Variants in SLC10A7 observed in about 807,000 individuals in gnomAD.
The protein encoded by SLC10A7 is sodium/bile acid cotransporter 7.
SLC10A7 carries 29 observed loss-of-function variants against 43.2 expected under a neutral mutation model. The observed-to-expected ratio is 0.67, with a 90% confidence interval of 0.50 to 0.92. The LOEUF is 0.92. Ranked by LOEUF, SLC10A7 falls within the 40% of genes least tolerant of loss-of-function variation. The pLI, the probability that SLC10A7 is intolerant of heterozygous loss-of-function variation, is 0.00. For missense variants in SLC10A7, 295 were observed against 403.2 expected (o/e 0.73, Z 2.30); for synonymous variants, 152 against 144.8 (o/e 1.05, Z -0.35).
chr4:146,466,936 C>T (rs1476688513), intron 4 of SLC10A7, among the ~76,000 whole-genome samples: 1 of 152,108 alleles, frequency 6.6e-6, no homozygotes, highest in Non-Finnish European at 1.5e-5. Context: ...TTAAGATTAA[C>T]TATAATCCTG....
chr4:146,349,463 A>C (rs184774969), intron 5 of SLC10A7, among the ~76,000 whole-genome samples: 8 of 152,300 alleles, frequency 5.3e-5, no homozygotes, highest in Non-Finnish European at 1.2e-4. Context: ...CTTCTCAGAG[A>C]ACTTAAAGCA....
At chr4:146,316,208 C>A (rs981618771) in intron 6 of SLC10A7, among the ~76,000 whole-genome samples, 1 of 152,012 alleles carries the variant, frequency 6.6e-6, no homozygotes, top group Non-Finnish European at 1.5e-5. Flanking sequence ...TAAAGAAGAA[C>A]AAGAATTTCT....
At chr4:146,365,676 C>G (rs1410702488) in intron 5 of SLC10A7, among the ~76,000 whole-genome samples, 3 of 152,132 alleles carry the variant, frequency 2.0e-5, no homozygotes, top group Non-Finnish European at 4.4e-5. Context: ...TTTACTGTTC[C>G]TCAATATTTA....
At chr4:146,388,529 C>G (rs1363324110) in intron 5 of SLC10A7, among the ~76,000 whole-genome samples, 1 of 151,998 alleles carries the variant, frequency 6.6e-6, no homozygotes, top group African/African-American at 2.4e-5. Flanking sequence ...GAGGCTGAGG[C>G]GGGTGGATCA....
At chr4:146,508,982 G>C (rs983625607) in intron 3 of SLC10A7, among the ~76,000 whole-genome samples, 1 of 152,024 alleles carries the variant, frequency 6.6e-6, no homozygotes, top group Non-Finnish European at 1.5e-5. Context: ...CTGCTTTACT[G>C]ACTGGAAAAC....
At chr4:146,420,445 A>G (rs1728884271) in intron 5 of SLC10A7, among the ~76,000 whole-genome samples, 1 of 152,162 alleles carries the variant, frequency 6.6e-6, no homozygotes, top group Admixed American at 6.5e-5. Flanking sequence ...CCACCATTAT[A>G]GTGATGCTTA....
intron 5 of SLC10A7, among the ~76,000 whole-genome samples, chr4:146,403,270 G>A (rs903574098): frequency 1.3e-5 from 2 of 152,044 alleles, no homozygotes; most frequent in African/African-American, 4.8e-5. Context: ...TGGAACTCTT[G>A]TCTGGAACTA....
At chr4:146,381,125 G>C (rs1002383033) in intron 5 of SLC10A7, among the ~76,000 whole-genome samples, 35 of 152,234 alleles carry the variant, frequency 2.3e-4, no homozygotes, top group African/African-American at 8.2e-4. Context: ...ACTAGTGCCA[G>C]GGCCTCAGAA....
intron 5 of SLC10A7, among the ~76,000 whole-genome samples, chr4:146,390,139 T>A (rs1261358275): frequency 6.6e-6 from 1 of 152,212 alleles, no homozygotes; most frequent in Admixed American, 6.5e-5. Context: ...ATATTTTATA[T>A]CTTACACAGA....
chr4:146,342,571 A>G (rs146776156), intron 5 of SLC10A7, among the ~76,000 whole-genome samples: 2 of 151,798 alleles, frequency 1.3e-5, no homozygotes, highest in East Asian at 3.9e-4. Context: ...TTTACCAGTA[A>G]ATTTTAATAA....
chr4:146,509,929 C>T lies in SLC10A7; in HGVS notation c.304G>A (p.Glu102Lys), dbSNP rs759868895. 1.2e-5 allele frequency: 20 copies of T among 1,612,372 alleles called. No homozygotes were observed. Among genetic ancestry groups the T allele is most frequent in the South Asian group, 4.4e-5 (4 of 90,684 alleles). The change falls in exon 3 of 12, where the codon GAA becomes AAA. Residue 102 changes from glutamate (E) to lysine (K), a missense_variant. Around this residue, in one of 2 missense-constraint regions of SLC10A7, gnomAD observed 242 missense variants for 362.5 expected, o/e 0.67. Transcript: ENST00000335472. ...TAAACATACCCTTTTAAAAGCCATT[C>T]GTTGATGGGTGTGATTGATAAAAGC... ...LQLLSITPIN[E>K]WLLKGLQTVG...
intron 5 of SLC10A7, among the ~76,000 whole-genome samples, chr4:146,354,035 C>A (rs1350694357): frequency 6.8e-6 from 1 of 146,314 alleles, no homozygotes; most frequent in Non-Finnish European, 1.5e-5. Flanking sequence ...AAGTTCTGGC[C>A]AGGGCAATCA....
chr4:146,308,416 CAG>C (rs921942360), intron 6 of SLC10A7, among the ~76,000 whole-genome samples: 35 of 152,202 alleles, frequency 2.3e-4, no homozygotes, highest in African/African-American at 7.7e-4. Context: ...ATCCAGAAGA[CAG>C]AACAGCAAGC....
intron 5 of SLC10A7, among the ~76,000 whole-genome samples, chr4:146,335,142 TTTTTG>T (rs535672037): frequency 1.6e-4 from 24 of 151,406 alleles, no homozygotes; most frequent in African/African-American, 2.4e-4. Context: ...TAGTTGAAGG[TTTTTG>T]TTTTGTTTTG....
intron 5 of SLC10A7, among the ~76,000 whole-genome samples, chr4:146,426,621 A>G (rs1729373050): frequency 6.6e-6 from 1 of 152,266 alleles, no homozygotes; most frequent in Admixed American, 6.5e-5. Flanking sequence ...CACACCTGCA[A>G]TCCCAGCACT....
At chr4:146,418,713 G>C (rs1560889499) in intron 5 of SLC10A7, among the ~76,000 whole-genome samples, 1 of 152,112 alleles carries the variant, frequency 6.6e-6, no homozygotes, top group Non-Finnish European at 1.5e-5. Flanking sequence ...CACACACCAA[G>C]CAATTCTCCA....
At position 146,521,704 on chromosome 4, in the gene SLC10A7, T is replaced by A. The variant is rs1268886075; in HGVS notation, c.14A>T (p.Glu5Val). The A allele has an allele frequency of 6.2e-7, 1 of 1,614,074 alleles. No individual in the cohort carries two copies. The highest frequency in any genetic ancestry group is 1.7e-5 in the Admixed American group (1 of 60,002). MRLL[E>V]RMRKDWFMVG... ...CATGAACCAGTCTTTCCTCATTCTCTCCAGCAGCCTCATATTTGTTAGGGT... is the reference window on the plus strand; with the variant it reads ...CATGAACCAGTCTTTCCTCATTCTCACCAGCAGCCTCATATTTGTTAGGGT... The change falls in exon 1 of 12, where the codon GAG becomes GTG. Residue 5 changes from glutamate (E) to valine (V), a missense_variant. Physicochemically the swap from Glu to Val is moderately radical, Grantham distance 121. This residue lies in a region of SLC10A7 where 53 missense variants were observed against 40.7 expected (regional missense o/e 1.30). Coordinates refer to ENST00000335472, the MANE Select transcript of SLC10A7 (RefSeq NM_001029998.6).
intron 6 of SLC10A7, among the ~76,000 whole-genome samples, chr4:146,322,909 C>T (rs1302547143): frequency 6.6e-6 from 1 of 152,124 alleles, no homozygotes; most frequent in East Asian, 1.9e-4. Flanking sequence ...TTAATGATTG[C>T]CATTCTAACT....
Position 146,256,370 on chromosome 4 carries a change from A to G in SLC10A7, c.*121T>C. On this transcript the variant is annotated 3_prime_UTR_variant, in exon 12 of 12. Transcript: ENST00000335472. Reference sequence around the variant, plus strand: ...TTAAGGCACTTAAACAGGATCTCATATTTTTGTGTAAAAAAATAAAATATG... The same window carrying G: ...TTAAGGCACTTAAACAGGATCTCATGTTTTTGTGTAAAAAAATAAAATATG... The G allele has an allele frequency of 2.2e-6, 2 of 929,924 alleles. No homozygotes were observed. The highest frequency in any genetic ancestry group is 3.4e-6 in the Non-Finnish European group (2 of 590,120). 57.6% of individuals were successfully genotyped at this position (929,924 alleles called of 1,614,324 possible). A position where few individuals can be genotyped will look rare whatever the true frequency, so the allele number is the denominator to read the frequency against.
Sources: gnomAD v4.1 joint callset for allele counts (sites outside exome capture counted in the v4.1 genomes callset) on GRCh38, gnomAD v4.1.1 for gene constraint, gnomAD v4.1.1 regional missense constraint, MANE v1.5 for transcripts, NCBI Gene and HGNC (gene_info 2026-07-23, HGNC 2026-07-21) for gene names.